Variants in NTN1 observed in about 807,000 individuals in gnomAD.
NTN1 encodes the protein netrin 1.
NTN1 carries 11 observed loss-of-function variants against 54.2 expected under a neutral mutation model. The observed-to-expected ratio is 0.20, with a 90% CI of 0.13 to 0.34. The LOEUF (loss-of-function observed/expected upper bound fraction) is 0.34. NTN1 is among the 10% of genes least tolerant of loss of function. The probability of loss-of-function intolerance (pLI) is 1.00; values close to 1 mark genes in which losing one functional copy is unlikely to be tolerated. For synonymous variants in NTN1, 371 were observed against 382.0 expected (o/e 0.97, Z 0.33); for missense variants, 740 against 893.1 (o/e 0.83, Z 2.18).
At chr17:9,195,430 G>C (rs1904605355) in intron 5 of NTN1, among the ~76,000 whole-genome samples, 1 of 152,224 alleles carries the variant, frequency 6.6e-6, no homozygotes, top group Non-Finnish European at 1.5e-5. Context: ...GAGCATGGCT[G>C]ATGGGAACGG....
At chr17:9,137,839 G>A (rs902802272) in intron 2 of NTN1, among the ~76,000 whole-genome samples, 5 of 152,128 alleles carry the variant, frequency 3.3e-5, no homozygotes, top group African/African-American at 7.2e-5. Context: ...GGGTACTTCC[G>A]GCATTTCCGG....
the NTN1 span, among the ~76,000 whole-genome samples, chr17:9,009,269 A>G: frequency 4.2e-3 from 645 of 152,136 alleles, 3 homozygotes; most frequent in Non-Finnish European, 7.0e-3. Context: ...CACCCTGCTG[A>G]CCACCCATGG....
chr17:9,109,085 C>G (rs2092180265), intron 2 of NTN1, among the ~76,000 whole-genome samples: 1 of 152,158 alleles, frequency 6.6e-6, no homozygotes, highest in Non-Finnish European at 1.5e-5. Flanking sequence ...CCATGTTGAT[C>G]AGGCTGGTCT....
At position 9,240,973 on chromosome 17, in the gene NTN1, C is replaced by T. The variant is rs538469402; in HGVS notation, c.*1005C>T. 1 of 152,366 alleles carries T rather than the reference C, an allele frequency of 6.6e-6. No individual in the cohort carries two copies. The highest frequency in any genetic ancestry group is 1.5e-5 in the Non-Finnish European group (1 of 68,062). The allele number at this position is 152,366 out of a possible 1,614,324, so 9.4% of individuals were successfully genotyped here. A position where few individuals can be genotyped will look rare whatever the true frequency, so the allele number is the denominator to read the frequency against. On this transcript the variant is annotated 3_prime_UTR_variant, in exon 7 of 7. Transcript: ENST00000173229. Reference sequence around the variant, plus strand: ...GCACTGGCTGGGTTTACGGCAGTGACACTATTTATGTAAATGACATCAGCT... The same window carrying T: ...GCACTGGCTGGGTTTACGGCAGTGATACTATTTATGTAAATGACATCAGCT...
intron 2 of NTN1, among the ~76,000 whole-genome samples, chr17:9,051,495 A>G (rs1315676474): frequency 6.6e-6 from 1 of 152,180 alleles, no homozygotes; most frequent in African/African-American, 2.4e-5. Flanking sequence ...ACTTTGCAGT[A>G]TGTGGGTGTA....
intron 2 of NTN1, among the ~76,000 whole-genome samples, chr17:9,105,607 A>G (rs1486087572): frequency 1.3e-5 from 2 of 151,526 alleles, no homozygotes; most frequent in Non-Finnish European, 1.5e-5. Context: ...GAGAAACAGG[A>G]TTTTCTCCTA....
intron 2 of NTN1, among the ~76,000 whole-genome samples, chr17:9,060,137 T>C (rs1421901365): frequency 1.3e-5 from 2 of 152,160 alleles, no homozygotes; most frequent in South Asian, 2.1e-4. Flanking sequence ...GATCCATTTA[T>C]ACATGGATTT....
chr17:9,166,887 T>C (rs1228302191), intron 3 of NTN1, among the ~76,000 whole-genome samples: 1 of 152,188 alleles, frequency 6.6e-6, no homozygotes, highest in African/African-American at 2.4e-5. Context: ...CTCTGGACCT[T>C]GTCCAGTGTA....
intron 2 of NTN1, among the ~76,000 whole-genome samples, chr17:9,067,562 T>G (rs1278318053): frequency 6.6e-6 from 1 of 152,186 alleles, no homozygotes; most frequent in Non-Finnish European, 1.5e-5. Flanking sequence ...AGAGCTGCCT[T>G]CCTTTATGAC....
intron 2 of NTN1, among the ~76,000 whole-genome samples, chr17:9,042,838 C>G (rs1423534382): frequency 6.6e-6 from 1 of 151,236 alleles, no homozygotes; most frequent in African/African-American, 2.4e-5. Context: ...TTTATATTGC[C>G]TTTTGTATCA....
intron 2 of NTN1, among the ~76,000 whole-genome samples, chr17:9,095,653 T>C (rs2092129200): frequency 6.6e-6 from 1 of 152,230 alleles, no homozygotes; most frequent in Non-Finnish European, 1.5e-5. Flanking sequence ...CAAAATCCCT[T>C]GGCTGGTCTT....
intron 3 of NTN1, among the ~76,000 whole-genome samples, chr17:9,178,246 A>G (rs1484821581): frequency 6.6e-6 from 1 of 152,250 alleles, no homozygotes; most frequent in Non-Finnish European, 1.5e-5. Flanking sequence ...AAGAAGCAGC[A>G]GCAAGACTGG....
intron 2 of NTN1, among the ~76,000 whole-genome samples, chr17:9,028,099 C>G (rs1220218537): frequency 6.6e-6 from 1 of 151,948 alleles, no homozygotes; most frequent in African/African-American, 2.4e-5. Context: ...TACTCCAGCC[C>G]TAGTGACAGA....
At chr17:9,183,499 G>A in intron 5 of NTN1, 1 of 364,668 alleles carries the variant, frequency 2.7e-6, no homozygotes, top group Non-Finnish European at 5.6e-6. Context: ...GGCCAAGCCT[G>A]CACCGTGGTC....
the NTN1 span, among the ~76,000 whole-genome samples, chr17:9,007,000 A>G: frequency 2.2e-3 from 332 of 152,396 alleles, 1 homozygote; most frequent in African/African-American, 7.5e-3. Context: ...AAGACCCAGC[A>G]TACCAGCTCC....
the NTN1 span, among the ~76,000 whole-genome samples, chr17:9,013,119 G>T: frequency 6.6e-6 from 1 of 151,916 alleles, no homozygotes; most frequent in Non-Finnish European, 1.5e-5. Context: ...TAAGTGTCCT[G>T]TGGTAGCCAG....
chr17:9,126,141 A>G (rs1056452977), intron 2 of NTN1, among the ~76,000 whole-genome samples: 11 of 152,218 alleles, frequency 7.2e-5, no homozygotes, highest in African/African-American at 2.2e-4. Flanking sequence ...ATAGCACTTA[A>G]TGAATTGAAT....
At chr17:9,101,496 T>A (rs1175118091) in intron 2 of NTN1, among the ~76,000 whole-genome samples, 1 of 152,256 alleles carries the variant, frequency 6.6e-6, no homozygotes, top group Non-Finnish European at 1.5e-5. Context: ...CTGGCACTTT[T>A]GGCAGAAGTC....
chr17:9,144,348 G>GCCT (rs2092307146), intron 2 of NTN1, among the ~76,000 whole-genome samples: 1 of 151,944 alleles, frequency 6.6e-6, no homozygotes, highest in African/African-American at 2.4e-5. Context: ...CTGTTCCCCT[G>GCCT]GGTCAGCCAC....
Sources: gnomAD v4.1 joint callset for allele counts (sites outside exome capture counted in the v4.1 genomes callset) on GRCh38, gnomAD v4.1.1 for gene constraint, MANE v1.5 for transcripts, NCBI Gene and HGNC (gene_info 2026-07-23, HGNC 2026-07-21) for gene names.